Variants in CLSTN2 observed in about 807,000 individuals in gnomAD.
CLSTN2 encodes calsyntenin 2.
A neutral mutation model predicts 101.2 loss-of-function variants in CLSTN2; 48 were observed. The ratio of observed to expected loss-of-function variants is 0.47; its 90% CI spans 0.38 to 0.60. The LOEUF is 0.60. Ranked by LOEUF, CLSTN2 falls within the 20% of genes least tolerant of loss-of-function variation. CLSTN2 has a pLI of 0.00. For synonymous variants in CLSTN2, 481 were observed against 463.6 expected, an observed-to-expected ratio of 1.04 and a Z score of -0.48; for missense variants, 1,160 against 1,238.2, an observed-to-expected ratio of 0.94 and a Z score of 0.95.
intron 1 of CLSTN2, among the ~76,000 whole-genome samples, chr3:140,055,914 A>T (rs1246175421): frequency 6.6e-6 from 1 of 152,242 alleles, no homozygotes; most frequent in Non-Finnish European, 1.5e-5. Flanking sequence ...AAAGAGCTGG[A>T]TGCCCATCAG....
intron 8 of CLSTN2, among the ~76,000 whole-genome samples, chr3:140,484,872 T>C (rs1934204440): frequency 6.6e-6 from 1 of 152,334 alleles, no homozygotes; most frequent in East Asian, 1.9e-4. Flanking sequence ...TTATTTTTTT[T>C]CAAGGTTTTT....
intron 1 of CLSTN2, among the ~76,000 whole-genome samples, chr3:140,121,999 A>C (rs2009348637): frequency 6.6e-6 from 1 of 152,198 alleles, no homozygotes; most frequent in African/African-American, 2.4e-5. Flanking sequence ...TGACATCAGT[A>C]ATAGCTTTAG....
chr3:140,143,281 C>A (rs1213993662), intron 1 of CLSTN2, among the ~76,000 whole-genome samples: 1 of 152,132 alleles, frequency 6.6e-6, no homozygotes, highest in Non-Finnish European at 1.5e-5. Flanking sequence ...TCACAACATG[C>A]CATCTGCAAG....
intron 1 of CLSTN2, among the ~76,000 whole-genome samples, chr3:139,964,230 C>G (rs1935556700): frequency 6.6e-6 from 1 of 152,160 alleles, no homozygotes; most frequent in Non-Finnish European, 1.5e-5. Context: ...CAGCTCACCC[C>G]AGGGTTTATT....
intron 2 of CLSTN2, among the ~76,000 whole-genome samples, chr3:140,324,872 G>A (rs912261516): frequency 6.6e-6 from 1 of 152,172 alleles, no homozygotes; most frequent in Non-Finnish European, 1.5e-5. Context: ...AACTAAAAGT[G>A]ATATTGCCAT....
At chr3:140,019,650 A>G (rs2007268527) in intron 1 of CLSTN2, among the ~76,000 whole-genome samples, 1 of 152,152 alleles carries the variant, frequency 6.6e-6, no homozygotes, top group South Asian at 2.1e-4. Context: ...AAGCAGAGGA[A>G]GGATATGATT....
intron 2 of CLSTN2, among the ~76,000 whole-genome samples, chr3:140,375,944 T>C (rs931124): frequency 0.96 from 145,578 of 152,190 alleles, 69,952 homozygotes; most frequent in East Asian, 1. Flanking sequence ...CACCATACAA[T>C]AAAGACTTAT....
intron 5 of CLSTN2, among the ~76,000 whole-genome samples, chr3:140,444,494 A>G (rs751075854): frequency 4.6e-5 from 7 of 151,916 alleles, no homozygotes; most frequent in Non-Finnish European, 8.8e-5. Context: ...TGGTTTTATC[A>G]TTTGTGCAAT....
At chr3:140,338,901 C>T (rs1359082258) in intron 2 of CLSTN2, among the ~76,000 whole-genome samples, 3 of 152,184 alleles carry the variant, frequency 2.0e-5, no homozygotes, top group African/African-American at 2.4e-5. Flanking sequence ...TGTTTGTAGA[C>T]ACCGGGGTGG....
chr3:139,956,120 T>C (rs767142159), intron 1 of CLSTN2, among the ~76,000 whole-genome samples: 14 of 152,154 alleles, frequency 9.2e-5, no homozygotes, highest in Non-Finnish European at 1.9e-4. Flanking sequence ...TTTCCAGTTA[T>C]GGAAACTGAG....
At chr3:140,186,350 A>G (rs1412508996) in intron 2 of CLSTN2, among the ~76,000 whole-genome samples, 1 of 152,188 alleles carries the variant, frequency 6.6e-6, no homozygotes, top group Non-Finnish European at 1.5e-5. Flanking sequence ...CACCACAAAT[A>G]TTAATTATGA....
At chr3:140,356,756 CAA>C (rs55634580) in intron 2 of CLSTN2, among the ~76,000 whole-genome samples, 8 of 111,106 alleles carry the variant, frequency 7.2e-5, no homozygotes, top group Admixed American at 9.8e-5. Context: ...GACCTTGTCT[CAA>C]AAAAAAAAAA....
chr3:140,200,436 C>G (rs1191098090), intron 2 of CLSTN2, among the ~76,000 whole-genome samples: 1 of 152,096 alleles, frequency 6.6e-6, no homozygotes, highest in East Asian at 1.9e-4. Flanking sequence ...AGTCAGTATG[C>G]CTGTCAGTCA....
At chr3:140,470,327 G>A (rs949435147) in intron 8 of CLSTN2, among the ~76,000 whole-genome samples, 1 of 152,266 alleles carries the variant, frequency 6.6e-6, no homozygotes, top group African/African-American at 2.4e-5. Context: ...TAGGCACGGT[G>A]GGCTGGGGCC....
intron 5 of CLSTN2, among the ~76,000 whole-genome samples, chr3:140,427,173 CAA>C (rs11422400): frequency 0.03 from 2,701 of 88,904 alleles, 54 homozygotes; most frequent in Non-Finnish European, 0.039. Flanking sequence ...GAGACTGTCT[CAA>C]AAAAAAAAAA....
At chr3:140,236,411 T>A (rs1397550695) in intron 2 of CLSTN2, among the ~76,000 whole-genome samples, 1 of 152,192 alleles carries the variant, frequency 6.6e-6, no homozygotes, top group Non-Finnish European at 1.5e-5. Context: ...TTTAAAACTG[T>A]CACTCTCTAA....
intron 1 of CLSTN2, among the ~76,000 whole-genome samples, chr3:140,008,108 G>A (rs1216482370): frequency 6.6e-6 from 1 of 152,216 alleles, no homozygotes; most frequent in Non-Finnish European, 1.5e-5. Context: ...ATATTCCAGG[G>A]GGAATAACCA....
chr3:140,261,124 T>G (rs1304295008), intron 2 of CLSTN2, among the ~76,000 whole-genome samples: 3 of 152,170 alleles, frequency 2.0e-5, no homozygotes, highest in African/African-American at 7.2e-5. Context: ...ATACAGTGTT[T>G]GGAAATGACT....
chr3:140,005,511 C>T (rs999451620), intron 1 of CLSTN2, among the ~76,000 whole-genome samples: 3 of 152,204 alleles, frequency 2.0e-5, no homozygotes, highest in Non-Finnish European at 4.4e-5. Context: ...AGAGCCTCTC[C>T]TGCTTTTCTT....
Sources: gnomAD v4.1 joint callset for allele counts (sites outside exome capture counted in the v4.1 genomes callset) on GRCh38, gnomAD v4.1.1 for gene constraint, MANE v1.5 for transcripts, NCBI Gene and HGNC (gene_info 2026-07-23, HGNC 2026-07-21) for gene names.